The following BICD2 variants were observed in gnomAD, a reference collection of about 807,000 sequenced individuals.
The protein encoded by BICD2 is BICD cargo adaptor 2, also known as protein bicaudal D homolog 2.
Under a neutral mutation model 72.9 loss-of-function variants are expected in BICD2, and 25 were observed. The observed-to-expected ratio is 0.34, with a 90% CI of 0.25 to 0.48. The LOEUF (loss-of-function observed/expected upper bound fraction) is 0.48, where lower values mean the gene tolerates loss of function less well. Among genes scored for constraint, BICD2 ranks in the 20% least tolerant of loss-of-function variants. BICD2 has a pLI of 0.99. For missense variants in BICD2, 894 were observed against 1,175.2 expected (o/e 0.76, Z 3.50); for synonymous variants, 501 against 516.1 (o/e 0.97, Z 0.40).
intron 1 of BICD2, among the ~76,000 whole-genome samples, chr9:92,739,583 G>C (rs551042802): frequency 1.2e-3 from 182 of 152,262 alleles, no homozygotes; most frequent in African/African-American, 4.1e-3. Flanking sequence ...AGCAAGACCC[G>C]ACCCCCGACC....
chr9:92,730,706 C>T (rs1283359468), intron 1 of BICD2, among the ~76,000 whole-genome samples: 1 of 152,148 alleles, frequency 6.6e-6, no homozygotes, highest in East Asian at 1.9e-4. Context: ...CTAAACAAGG[C>T]TAACAGGACA....
chr9:92,731,960 A>T (rs1158259391), intron 1 of BICD2, among the ~76,000 whole-genome samples: 1 of 152,252 alleles, frequency 6.6e-6, no homozygotes, highest in Non-Finnish European at 1.5e-5. Flanking sequence ...AGCAAAGCAT[A>T]AAGACAAAAC....
Position 92,720,418 on chromosome 9 carries a change from T to C in BICD2, c.944A>G (p.Asn315Ser), listed in dbSNP as rs1051614965. The C allele has an allele frequency of 1.2e-6, 2 of 1,614,066 alleles. No homozygotes were observed. The highest frequency in any genetic ancestry group is 1.7e-5 in the Admixed American group (1 of 60,010). The change falls in exon 4 of 7, where the codon AAC (asparagine) becomes AGC (serine). Residue 315 changes from asparagine (N) to serine (S), a missense_variant. This residue lies in a region of BICD2 where 371 missense variants were observed against 439.1 expected (regional missense o/e 0.84). Transcript: ENST00000356884. The surrounding 1 kb of genome is among the most constrained non-coding windows in gnomAD (Gnocchi z 5.4). ...HGGLAKLPLD[N>S]KTSTPKKEGL... ...CTCCTTCTTGGGCGTGGAGGTCTTG[T>C]TGTCCAGTGGCAGCTTGGCCAGGCC...
Position 92,720,161 on chromosome 9 carries a change from A to T in BICD2, c.1062+139T>A. On this transcript the variant is annotated intron_variant, in intron 4 of 6. Coordinates refer to ENST00000356884, the MANE Select transcript of BICD2 (RefSeq NM_001003800.2). This position sits in a 1 kb window ranked among gnomAD's most constrained non-coding sequence, Gnocchi z 5.4. ...TATGTGTGCTCCTGGAGTTCCATTT[A>T]CCGTAATGATGCAGGAGATAAAATC... 2 of 917,704 alleles carry T rather than the reference A, an allele frequency of 2.2e-6. No individual in the cohort carries two copies. Among genetic ancestry groups the T allele is most frequent in the Non-Finnish European group, 3.2e-6 (2 of 627,166 alleles). The allele number at this position is 917,704 out of a possible 1,614,324, so 56.8% of individuals were successfully genotyped here.
At chr9:92,746,353 G>A (rs1324626211) in intron 1 of BICD2, among the ~76,000 whole-genome samples, 4 of 152,002 alleles carry the variant, frequency 2.6e-5, no homozygotes, top group African/African-American at 4.8e-5. Flanking sequence ...CCAACATGGC[G>A]AAATCCTGTC....
chr9:92,717,373 C>T (rs530080787), intron 6 of BICD2, among the ~76,000 whole-genome samples: 62 of 152,318 alleles, frequency 4.1e-4, no homozygotes, highest in African/African-American at 1.4e-3. Flanking sequence ...ATGGAACCGG[C>T]GCCACAGAAC....
chr9:92,721,680 G>C (rs2131503415), intron 3 of BICD2, among the ~76,000 whole-genome samples: 1 of 152,328 alleles, frequency 6.6e-6, no homozygotes, highest in Non-Finnish European at 1.5e-5. Context: ...CAAATGCGGA[G>C]GTGAGGAATC....
In BICD2 at chr9:92,764,413, G is replaced by A. The variant is rs1011869313; in HGVS notation, c.240+92C>T. 1 of 1,360,016 alleles carries A rather than the reference G, an allele frequency of 7.4e-7. No individual in the cohort carries two copies. The highest frequency in any genetic ancestry group is 3.9e-5 in the Admixed American group (1 of 25,524). The allele number at this position is 1,360,016 out of a possible 1,614,324, so 84.2% of individuals were successfully genotyped here. A position where few individuals can be genotyped will look rare whatever the true frequency, so the allele number is the denominator to read the frequency against. ...GGCCCACCCCTGCCGGCCCCCGCTT[G>A]GCAAGCTGACCTTGGCCGCCCTGGT... On this transcript the variant is annotated intron_variant, in intron 1 of 6. Transcript: ENST00000356884. This position sits in a 1 kb window ranked among gnomAD's most constrained non-coding sequence, Gnocchi z 5.5.
intron 1 of BICD2, among the ~76,000 whole-genome samples, chr9:92,746,423 T>G (rs1564070140): frequency 6.6e-6 from 1 of 151,866 alleles, no homozygotes; most frequent in South Asian, 2.1e-4. Flanking sequence ...TCTCAACTAC[T>G]TGGGAGGCTG....
intron 1 of BICD2, among the ~76,000 whole-genome samples, chr9:92,732,102 C>A (rs1853690233): frequency 6.6e-6 from 1 of 152,218 alleles, no homozygotes; most frequent in Admixed American, 6.5e-5. Context: ...TCACTTACCA[C>A]TGAGCAGGCA....
In BICD2 at chr9:92,764,073, A is replaced by G. The variant is rs1254766183; in HGVS notation, c.240+432T>C. Among the ~76,000 whole-genome samples, 2 of 152,048 alleles carry G rather than the reference A, an allele frequency of 1.3e-5. No homozygotes were observed. The highest frequency in any genetic ancestry group is 2.9e-5 in the Non-Finnish European group (2 of 68,004). ...AGGTGACAGAGCCGCAGCCACCCAG[A>G]CCCAGGCCCACCCTCGGCCTCTCCC... On this transcript the variant is annotated intron_variant, in intron 1 of 6. Coordinates refer to ENST00000356884, the MANE Select transcript of BICD2 (RefSeq NM_001003800.2). This position sits in a 1 kb window ranked among gnomAD's most constrained non-coding sequence, Gnocchi z 5.5.
chr9:92,725,434 G>A (rs1300552682), intron 2 of BICD2, among the ~76,000 whole-genome samples: 1 of 152,266 alleles, frequency 6.6e-6, no homozygotes, highest in African/African-American at 2.4e-5. Context: ...CATGTGGCCT[G>A]CCACCTAGCA....
rs926915449 is a variant in BICD2, at chr9:92,764,813, TGCCGCC to T, written c.-75_-70del. 8.4e-6 allele frequency: 10 copies of T among 1,184,100 alleles called. No individual in the cohort carries two copies. The highest frequency in any genetic ancestry group is 8.3e-5 in the East Asian group (2 of 24,018). 73.3% of individuals were successfully genotyped at this position (1,184,100 alleles called of 1,614,324 possible). A position where few individuals can be genotyped will look rare whatever the true frequency, so the allele number is the denominator to read the frequency against. ...CCGGGCCCTCCTCAGCCGCCGCCGCTGCCGCCGCCGCCGCCGCCCTGCCCCGACGGC... is the reference window on the plus strand; with the variant it reads ...CCGGGCCCTCCTCAGCCGCCGCCGCTGCCGCCGCCGCCCTGCCCCGACGGC... On this transcript the variant is annotated 5_prime_UTR_variant, in exon 1 of 7. Coordinates refer to ENST00000356884, the MANE Select transcript of BICD2 (RefSeq NM_001003800.2). This position sits in a 1 kb window ranked among gnomAD's most constrained non-coding sequence, Gnocchi z 5.5.
At position 92,713,608 on chromosome 9, in the gene BICD2, T is replaced by C; in HGVS notation, c.*1546A>G. The C allele has an allele frequency of 2.6e-6, 4 of 1,521,430 alleles. No individual in the cohort carries two copies. Among genetic ancestry groups the C allele is most frequent in the Non-Finnish European group, 3.5e-6 (4 of 1,128,924 alleles). The allele number at this position is 1,521,430 out of a possible 1,614,324, so 94.2% of individuals were successfully genotyped here. On this transcript the variant is annotated 3_prime_UTR_variant, in exon 7 of 7. Coordinates refer to ENST00000356884, the MANE Select transcript of BICD2 (RefSeq NM_001003800.2). ...CTGCATGTGTTAGCAGGGGTCCCAG[T>C]GGCTTGGGTGTCTGCAAAGTCCCTT... is the stretch of plus-strand genomic sequence containing the variant.
Position 92,729,120 on chromosome 9 carries a change from T to C in BICD2, c.357A>G (p.Leu119=). The C allele has an allele frequency of 6.2e-7, 1 of 1,614,248 alleles. No homozygotes were observed. Among genetic ancestry groups the C allele is most frequent in the South Asian group, 1.1e-5 (1 of 91,088 alleles). Residue 119 remains leucine, a synonymous_variant, in exon 2 of 7, where the codon CTA becomes CTG. Coordinates refer to ENST00000356884, the MANE Select transcript of BICD2 (RefSeq NM_001003800.2). ...ACTGCTTCAGCTCCGTCTGCAGCTC[T>C]AGCACCTTCCGCACGTAGTACTGCT... The part of the protein sequence containing the change: ...SKEQYYVRKV[L]ELQTELKQLR...
chr9:92,718,368 TG>T (rs1469370689), intron 5 of BICD2, among the ~76,000 whole-genome samples, 170 bp downstream of exon 5: 1 of 152,132 alleles, frequency 6.6e-6, no homozygotes, highest in Non-Finnish European at 1.5e-5. Context: ...CCCTCCCAGC[TG>T]GGGGCCCTGA....
In BICD2 at chr9:92,718,752, G is replaced by C. The variant is rs141414055; in HGVS notation, c.1893C>G (p.Ile631Met). The C allele has an allele frequency of 1.2e-6, 2 of 1,614,078 alleles. No homozygotes were observed. Among genetic ancestry groups the C allele is most frequent in the Non-Finnish European group, 1.7e-6 (2 of 1,179,990 alleles). Reference sequence around the variant, plus strand: ...GCTTGATCTGGTCACGGATGATAGCGATCAGGTTGTAGATGTTCATGGGCT... The same window carrying C: ...GCTTGATCTGGTCACGGATGATAGCCATCAGGTTGTAGATGTTCATGGGCT... ...RREPMNIYNL[I>M]AIIRDQIKHL... The change falls in exon 5 of 7, where the codon ATC becomes ATG. Residue 631 changes from isoleucine to methionine, a missense_variant. Ile to Met is a conservative substitution (Grantham distance 10). Coordinates refer to ENST00000356884, the MANE Select transcript of BICD2 (RefSeq NM_001003800.2).
intron 1 of BICD2, among the ~76,000 whole-genome samples, chr9:92,730,780 T>C (rs763802646): frequency 6.6e-6 from 1 of 152,186 alleles, no homozygotes; most frequent in African/African-American, 2.4e-5. Flanking sequence ...GGGATTGACA[T>C]GGACACTCCT....
chr9:92,747,704 G>A (rs1205413673), intron 1 of BICD2, among the ~76,000 whole-genome samples: 1 of 152,208 alleles, frequency 6.6e-6, no homozygotes, highest in Admixed American at 6.5e-5. Flanking sequence ...GTGTGGGTGG[G>A]GCAAGGCCTC....
Sources: allele counts gnomAD v4.1 joint callset (sites outside exome capture counted in the v4.1 genomes callset), GRCh38; gene constraint gnomAD v4.1.1; regional missense constraint gnomAD v4.1.1; non-coding constraint Gnocchi (gnomAD v3.1); transcripts MANE v1.5; gene names NCBI Gene and HGNC (gene_info 2026-07-23, HGNC 2026-07-21).